ZNF286A: variants seen among roughly 807,000 people sequenced by gnomAD.
ZNF286A encodes the protein zinc finger protein ZNF286.
In ZNF286A, 34 loss-of-function variants were observed where a neutral mutation model predicts 49.3. The observed-to-expected ratio is 0.69, with a 90% CI of 0.52 to 0.92. The LOEUF (loss-of-function observed/expected upper bound fraction) is 0.92. Ranked by LOEUF, ZNF286A falls within the 40% of genes least tolerant of loss-of-function variation. The pLI is 0.00. For synonymous variants in ZNF286A, 155 were observed against 200.4 expected (o/e 0.77, Z 1.91); for missense variants, 462 against 600.2 (o/e 0.77, Z 2.41).
Position 15,717,620 on chromosome 17 carries a change from G to A in ZNF286A, c.*330G>A, listed in dbSNP as rs1967135481. On this transcript the variant is annotated 3_prime_UTR_variant, in exon 6 of 6. Transcript: ENST00000583566. ...CCTCTCTTGTTTATGTCAGAGCTTT[G>A]TTGTAAGCCTCTCACTTTGTAAGGA... 7.7e-6 allele frequency: 2 copies of A among 260,790 alleles called. No individual in the cohort carries two copies. The highest frequency in any genetic ancestry group is 4.5e-5 in the African/African-American group (2 of 44,550). 16.2% of individuals were successfully genotyped at this position (260,790 alleles called of 1,614,324 possible).
At position 15,717,214 on chromosome 17, in the gene ZNF286A, A is replaced by T. The variant is rs200164142; in HGVS notation, c.1490A>T (p.Asn497Ile). 225 of 1,608,012 alleles carry T rather than the reference A, an allele frequency of 1.4e-4. No individual in the cohort carries two copies. Among genetic ancestry groups the T allele is most frequent in the Non-Finnish European group, 2.4e-5 (28 of 1,177,262 alleles). Reference sequence around the variant, plus strand: ...ACCGGAGAGAAACCCTTTAGATGTAATGAGTGTGGGAAAAGCTTTAAGTGC... The same window carrying T: ...ACCGGAGAGAAACCCTTTAGATGTATTGAGTGTGGGAAAAGCTTTAAGTGC... The part of the protein sequence containing the change: ...THTGEKPFRC[N>I]ECGKSFKCSS... The change falls in exon 6 of 6, where the codon AAT becomes ATT. Residue 497 changes from asparagine to isoleucine, a missense_variant. Physicochemically the swap from Asn to Ile is moderately radical, Grantham distance 149. Coordinates refer to ENST00000583566, the MANE Select transcript of ZNF286A (RefSeq NM_001130842.2).
chr17:15,701,466 A>G (rs1184451077), intron 3 of ZNF286A: 4 of 390,694 alleles, frequency 1.0e-5, no homozygotes, highest in Non-Finnish European at 1.9e-5. Flanking sequence ...CTCAACAGAT[A>G]GGTAAGCAGC....
intron 5 of ZNF286A, chr17:15,711,352 A>G (rs1425727505): frequency 6.6e-6 from 1 of 152,114 alleles, no homozygotes; most frequent in Non-Finnish European, 1.5e-5. Flanking sequence ...TTCTTAATCC[A>G]TTTGGAATTG....
At chr17:15,705,205 C>T (rs1170768780) in intron 3 of ZNF286A, among the ~76,000 whole-genome samples, 1 of 152,158 alleles carries the variant, frequency 6.6e-6, no homozygotes, top group African/African-American at 2.4e-5. Context: ...GTATATGCTT[C>T]ACCCAGATTT....
chr17:15,712,444 C>A (rs1274978045), intron 5 of ZNF286A, among the ~76,000 whole-genome samples: 3 of 152,214 alleles, frequency 2.0e-5, no homozygotes, highest in Non-Finnish European at 4.4e-5. Flanking sequence ...AAAGATACTT[C>A]AATACAACAT....
chr17:15,708,004 A>C (rs776565413), intron 4 of ZNF286A, 151 bp from the exon 5 acceptor site: 1 of 468,324 alleles, frequency 2.1e-6, no homozygotes, highest in Non-Finnish European at 3.5e-6. Context: ...TAAAAAATAA[A>C]AAGTAAATTT....
chr17:15,710,776 C>A (rs973213829), intron 5 of ZNF286A, among the ~76,000 whole-genome samples: 4 of 152,260 alleles, frequency 2.6e-5, no homozygotes, highest in Non-Finnish European at 4.4e-5. Flanking sequence ...CCACCCATCT[C>A]CCTTTTTTGG....
At chr17:15,703,140 C>T (rs1345721644) in intron 3 of ZNF286A, among the ~76,000 whole-genome samples, 3 of 152,218 alleles carry the variant, frequency 2.0e-5, no homozygotes, top group South Asian at 4.1e-4. Flanking sequence ...CATACACATG[C>T]GCGTGCACGC....
In ZNF286A at chr17:15,706,500, T is replaced by C. The variant is rs755822919; in HGVS notation, c.240T>C (p.Leu80=). The C allele has an allele frequency of 6.3e-7, 1 of 1,594,532 alleles. No homozygotes were observed. Among genetic ancestry groups the C allele is most frequent in the South Asian group, 1.1e-5 (1 of 88,246 alleles). ...AGAACTATAGGAACCTAGTCTCACT[T>C]TGTAAGAATGGATTGTGATTCTGGA... ...MLENYRNLVS[L]WLPVSKPESY... is the part of the protein sequence containing the mutation. Residue 80 remains leucine, a splice_region_variant and synonymous_variant, in exon 4 of 6, where the codon CTT becomes CTC. Coordinates refer to ENST00000583566, the MANE Select transcript of ZNF286A (RefSeq NM_001130842.2).
In ZNF286A at chr17:15,705,021, C is replaced by CCGCTCCCCGCTGCCTCTGA. The variant is rs1990118353; in HGVS notation, c.127-1363_127-1345dup. Reference sequence around the variant, plus strand: ...CTGGAGAGGCCCCGGCGGCCCCGCTCCGCTCCCCGCTGCCTCTGACGTCCG... The same window carrying CCGCTCCCCGCTGCCTCTGA: ...CTGGAGAGGCCCCGGCGGCCCCGCTCCGCTCCCCGCTGCCTCTGACGCTCCCCGCTGCCTCTGACGTCCG... On this transcript the variant is annotated intron_variant, in intron 3 of 5. Coordinates refer to ENST00000583566, the MANE Select transcript of ZNF286A (RefSeq NM_001130842.2). 11 of 583,872 alleles carry CCGCTCCCCGCTGCCTCTGA rather than the reference C, an allele frequency of 1.9e-5. No homozygotes were observed. The South Asian group carries it at 3.6e-4, about 19-fold the overall frequency. 36.2% of individuals were successfully genotyped at this position (583,872 alleles called of 1,614,324 possible). A position where few individuals can be genotyped will look rare whatever the true frequency, so the allele number is the denominator to read the frequency against.
chr17:15,711,231 A>G (rs765853806), intron 5 of ZNF286A: 1 of 151,952 alleles, frequency 6.6e-6, no homozygotes, highest in African/African-American at 2.4e-5. Flanking sequence ...AATTTTTTAT[A>G]ATCTTTTTTT....
rs1256334365 is a variant in ZNF286A at position 15,717,305 on chromosome 17, T to G, written c.*15T>G. On this transcript the variant is annotated 3_prime_UTR_variant, in exon 6 of 6. Coordinates refer to ENST00000583566, the MANE Select transcript of ZNF286A (RefSeq NM_001130842.2). ...AGCAACCCTGAAAAATTACTGAATG[T>G]GAAGAAATGTAAGTTGGTTTTATCA... is the stretch of plus-strand genomic sequence containing the variant. The G allele has an allele frequency of 1.3e-6, 2 of 1,534,762 alleles. No homozygotes were observed. Among genetic ancestry groups the G allele is most frequent in the African/African-American group, 2.8e-5 (2 of 71,326 alleles).
rs371944889 is a variant in ZNF286A at position 15,708,195 on chromosome 17, T to G, written c.282T>G (p.Asn94Lys). The change falls in exon 5 of 6, where the codon AAT (asparagine) becomes AAG (lysine). Residue 94 changes from asparagine (N) to lysine (K), a missense_variant. Asn to Lys is a moderately conservative substitution (Grantham distance 94). Coordinates refer to ENST00000583566, the MANE Select transcript of ZNF286A (RefSeq NM_001130842.2). The part of the protein sequence containing the change: ...VSKPESYNLE[N>K]GKEPLKLERK... ...AACCTGAGAGCTACAACTTGGAGAA[T>G]GGAAAAGAACCATTGAAGCTTGAGA... 1.3e-6 allele frequency: 2 copies of G among 1,598,692 alleles called. No individual in the cohort carries two copies. The highest frequency in any genetic ancestry group is 2.7e-5 in the African/African-American group (2 of 74,244).
chr17:15,707,899 C>T (rs1990354780), intron 4 of ZNF286A, among the ~76,000 whole-genome samples: 1 of 152,072 alleles, frequency 6.6e-6, no homozygotes, highest in African/African-American at 2.4e-5. Context: ...ACCTGTAATC[C>T]CAGCACTTAG....
intron 3 of ZNF286A, chr17:15,704,597 C>T (rs1340306637): frequency 1.8e-5 from 29 of 1,613,940 alleles, no homozygotes; most frequent in East Asian, 4.5e-5. Flanking sequence ...GCCGTCCAGT[C>T]CCTCTTGAGC....
At chr17:15,699,914 C>T (rs943736564) in intron 1 of ZNF286A, 137 bp downstream of exon 1, 1 of 679,350 alleles carries the variant, frequency 1.5e-6, no homozygotes, top group Admixed American at 2.1e-5. Context: ...CCTGTCCCTT[C>T]TCACTCTGGC....
chr17:15,717,756 CTA>C lies in ZNF286A; in HGVS notation c.*467_*468del, dbSNP rs1967143814. ...TAGATACACATATGGTATAATTCAT[CTA>C]GAGTGTAATTTCTTTTATATTAGCC... On this transcript the variant is annotated 3_prime_UTR_variant, in exon 6 of 6. Coordinates refer to ENST00000583566, the MANE Select transcript of ZNF286A (RefSeq NM_001130842.2). The C allele has an allele frequency of 2.5e-5, 4 of 157,184 alleles. No individual in the cohort carries two copies. Among genetic ancestry groups the C allele is most frequent in the Admixed American group, 2.4e-4 (4 of 16,470 alleles). The allele number at this position is 157,184 out of a possible 1,614,324, so 9.7% of individuals were successfully genotyped here.
chr17:15,712,744 A>G (rs182197328), intron 5 of ZNF286A, among the ~76,000 whole-genome samples: 15 of 152,192 alleles, frequency 9.9e-5, no homozygotes, highest in Admixed American at 9.2e-4. Flanking sequence ...TTCATTCTCA[A>G]CATTGTAGTG....
chr17:15,715,754 C>T (rs1316539901), intron 5 of ZNF286A, among the ~76,000 whole-genome samples: 9 of 152,140 alleles, frequency 5.9e-5, no homozygotes, highest in Admixed American at 5.2e-4. Flanking sequence ...TTCTTCCCAT[C>T]CTGATCTGTG....
Sources: gnomAD v4.1 joint callset for allele counts (sites outside exome capture counted in the v4.1 genomes callset) on GRCh38, gnomAD v4.1.1 for gene constraint, MANE v1.5 for transcripts, NCBI Gene and HGNC (gene_info 2026-07-23, HGNC 2026-07-21) for gene names.